The following DACH1 variants were observed in gnomAD, a reference collection of about 807,000 sequenced individuals.
DACH1 encodes the protein dachshund homolog 1.
Under a neutral mutation model 54.2 loss-of-function variants are expected in DACH1, and 12 were observed. The observed-to-expected ratio is 0.22, with a 90% CI of 0.14 to 0.36. The LOEUF (loss-of-function observed/expected upper bound fraction) is 0.36. Ranked by LOEUF, DACH1 falls within the 10% of genes least tolerant of loss-of-function variation. DACH1 has a pLI of 1.00. For synonymous variants in DACH1, 386 were observed against 366.2 expected, an observed-to-expected ratio of 1.05 and a Z score of -0.62; for missense variants, 805 against 929.8, an observed-to-expected ratio of 0.87 and a Z score of 1.75.
intron 1 of DACH1, among the ~76,000 whole-genome samples, chr13:71,787,199 C>G (rs1239818642): frequency 2.0e-5 from 3 of 152,110 alleles, no homozygotes; most frequent in Admixed American, 6.6e-5. Context: ...AGGGAAAACT[C>G]CAGCGTGCTT....
chr13:71,554,832 G>A (rs1451714520), intron 6 of DACH1, among the ~76,000 whole-genome samples: 2 of 152,030 alleles, frequency 1.3e-5, no homozygotes. Context: ...CTCCACAGTG[G>A]CAAAATTATA....
intron 1 of DACH1, among the ~76,000 whole-genome samples, chr13:71,772,643 G>A (rs1247362477): frequency 6.6e-6 from 1 of 151,656 alleles, no homozygotes; most frequent in Non-Finnish European, 1.5e-5. Flanking sequence ...GGTTTTAGCT[G>A]ACAAATGTAG....
At chr13:71,677,436 A>C (rs1276603099) in intron 2 of DACH1, among the ~76,000 whole-genome samples, 2 of 152,180 alleles carry the variant, frequency 1.3e-5, no homozygotes, top group Non-Finnish European at 2.9e-5. Flanking sequence ...CTAAGGTTAC[A>C]CACAAGCCCA....
rs146075579 is a variant in DACH1 at position 71,627,205 on chromosome 13, G to A, written c.1126+3351C>T. ...TTCTAAGGTTCCTATTATGAACCGG[G>A]AAGGGTTGTGTGATACAAATTTTTC... On this transcript the variant is annotated intron_variant, in intron 3 of 10. Transcript: ENST00000613252. Among the ~76,000 whole-genome samples the A allele has an allele frequency of 8.5e-4, 129 of 151,990 alleles. 1 individual carries two copies. The East Asian group carries it at 0.018, about 21-fold the overall frequency.
At chr13:71,555,921 A>C (rs1011844293) in intron 6 of DACH1, among the ~76,000 whole-genome samples, 2 of 152,188 alleles carry the variant, frequency 1.3e-5, no homozygotes, top group Admixed American at 6.5e-5. Context: ...CTAGATGTTA[A>C]CATGTTAGTA....
At chr13:71,618,992 T>A (rs1286332499) in intron 3 of DACH1, among the ~76,000 whole-genome samples, 2 of 151,688 alleles carry the variant, frequency 1.3e-5, no homozygotes, top group Non-Finnish European at 3.0e-5. Flanking sequence ...TTTTTTTGCA[T>A]AGGTGTGAAT....
At chr13:71,832,291 C>T (rs2138210022) in intron 1 of DACH1, among the ~76,000 whole-genome samples, 1 of 151,878 alleles carries the variant, frequency 6.6e-6, no homozygotes, top group Middle Eastern at 3.4e-3. Context: ...GGAATACAAA[C>T]AATAAAGCAA....
At chr13:71,776,748 C>T (rs1886082425) in intron 1 of DACH1, among the ~76,000 whole-genome samples, 1 of 152,064 alleles carries the variant, frequency 6.6e-6, no homozygotes, top group Non-Finnish European at 1.5e-5. Context: ...ATTTTACTTA[C>T]CCAGATAGAA....
intron 3 of DACH1, among the ~76,000 whole-genome samples, chr13:71,592,509 A>G (rs1873797952): frequency 6.7e-6 from 1 of 150,148 alleles, no homozygotes; most frequent in South Asian, 2.1e-4. Context: ...AAAAAAAAAA[A>G]AAAAAAAAGA....
chr13:71,715,309 C>T (rs1013451562), intron 1 of DACH1, among the ~76,000 whole-genome samples: 4 of 151,996 alleles, frequency 2.6e-5, no homozygotes, highest in African/African-American at 9.7e-5. Context: ...TCTTCCCTTC[C>T]CTAACACCCT....
chr13:71,656,583 C>A (rs1163859996), intron 2 of DACH1, among the ~76,000 whole-genome samples: 1 of 151,736 alleles, frequency 6.6e-6, no homozygotes, highest in African/African-American at 2.4e-5. Context: ...CTTTTCTTTC[C>A]AACATTTTTA....
chr13:71,494,756 C>A (rs1031239811), intron 6 of DACH1, among the ~76,000 whole-genome samples: 15 of 151,738 alleles, frequency 9.9e-5, no homozygotes, highest in African/African-American at 3.6e-4. Flanking sequence ...ATAATTATAA[C>A]AACATACAGT....
At chr13:71,546,206 G>A (rs867947303) in intron 6 of DACH1, among the ~76,000 whole-genome samples, 70 of 152,014 alleles carry the variant, frequency 4.6e-4, no homozygotes, top group African/African-American at 1.6e-3. Flanking sequence ...TCACAGCTTC[G>A]TAAAAGCACA....
At chr13:71,733,664 G>GT (rs1704980180) in intron 1 of DACH1, among the ~76,000 whole-genome samples, 1 of 152,034 alleles carries the variant, frequency 6.6e-6, no homozygotes, top group Non-Finnish European at 1.5e-5. Context: ...CAGTGTGTTG[G>GT]TGACTTCCTA....
At chr13:71,546,474 A>C (rs2138345171) in intron 6 of DACH1, among the ~76,000 whole-genome samples, 1 of 152,170 alleles carries the variant, frequency 6.6e-6, no homozygotes, top group East Asian at 1.9e-4. Context: ...AAATTATAGA[A>C]CATTAAAACA....
At chr13:71,581,488 C>T (rs1257582162) in intron 3 of DACH1, among the ~76,000 whole-genome samples, 2 of 152,134 alleles carry the variant, frequency 1.3e-5, no homozygotes, top group Admixed American at 1.3e-4. Context: ...AAGTCCTGAC[C>T]TCGTGATCTG....
intron 6 of DACH1, among the ~76,000 whole-genome samples, chr13:71,507,840 C>T (rs980378829): frequency 2.6e-5 from 4 of 152,140 alleles, no homozygotes; most frequent in Admixed American, 6.6e-5. Flanking sequence ...AACTGAACCT[C>T]CACTTTAGGC....
At chr13:71,655,447 C>T (rs566627767) in intron 2 of DACH1, among the ~76,000 whole-genome samples, 80 of 150,910 alleles carry the variant, frequency 5.3e-4, no homozygotes, top group African/African-American at 1.7e-3. Context: ...CTCGGCTCAC[C>T]GCAACCTCTG....
At chr13:71,823,310 G>A (rs1888263208) in intron 1 of DACH1, among the ~76,000 whole-genome samples, 1 of 152,028 alleles carries the variant, frequency 6.6e-6, no homozygotes, top group African/African-American at 2.4e-5. Flanking sequence ...TGTGTTCAGA[G>A]TGGAAATTAA....
Sources: allele counts gnomAD v4.1 joint callset (sites outside exome capture counted in the v4.1 genomes callset), GRCh38; gene constraint gnomAD v4.1.1; transcripts MANE v1.5; gene names NCBI Gene and HGNC (gene_info 2026-07-23, HGNC 2026-07-21).